GALNT13: variants seen among roughly 807,000 people sequenced by gnomAD.
GALNT13 encodes the protein UDP-GalNAc:polypeptide N-acetylgalactosaminyltransferase 13.
In GALNT13, 28 loss-of-function variants were observed where a neutral mutation model predicts 64.2. The observed-to-expected ratio is 0.44, with a 90% confidence interval of 0.32 to 0.60. The LOEUF (loss-of-function observed/expected upper bound fraction) is 0.60. GALNT13 is among the 20% of genes least tolerant of loss of function. The pLI is 0.05. For missense variants in GALNT13, 577 were observed against 669.8 expected (o/e 0.86, Z 1.53); for synonymous variants, 214 against 224.6 (o/e 0.95, Z 0.42).
At chr2:153,799,123 A>AC in the GALNT13 span, among the ~76,000 whole-genome samples, 3 of 152,092 alleles carry the variant, frequency 2.0e-5, no homozygotes, top group Non-Finnish European at 4.4e-5. Context: ...GGGCATTGTG[A>AC]CCCCCATAAG....
the GALNT13 span, among the ~76,000 whole-genome samples, chr2:153,255,189 C>G: frequency 1.3e-5 from 2 of 148,822 alleles, no homozygotes; most frequent in Non-Finnish European, 3.0e-5. Flanking sequence ...ATAGTTAGCT[C>G]TTCTTGTTGA....
At chr2:153,493,048 A>G in the GALNT13 span, among the ~76,000 whole-genome samples, 4 of 152,162 alleles carry the variant, frequency 2.6e-5, no homozygotes, top group African/African-American at 7.2e-5. Context: ...GTTTAGGAAA[A>G]CACTTAAAGC....
chr2:153,395,106 T>C, the GALNT13 span, among the ~76,000 whole-genome samples: 1 of 152,192 alleles, frequency 6.6e-6, no homozygotes, highest in Non-Finnish European at 1.5e-5. Flanking sequence ...GGAGCTCTCA[T>C]ACTTCTCATT....
the GALNT13 span, among the ~76,000 whole-genome samples, chr2:153,721,277 C>T: frequency 6.8e-6 from 1 of 147,238 alleles, no homozygotes; most frequent in Non-Finnish European, 1.5e-5. Context: ...ATTTTGTCAC[C>T]ACCAGGCCTG....
the GALNT13 span, among the ~76,000 whole-genome samples, chr2:153,846,606 T>G: frequency 6.6e-6 from 1 of 152,108 alleles, no homozygotes; most frequent in Non-Finnish European, 1.5e-5. Context: ...TAAAAGATAA[T>G]CAGAGCTAGC....
chr2:154,260,885 A>G (rs1390237927), intron 8 of GALNT13, among the ~76,000 whole-genome samples: 6 of 152,106 alleles, frequency 3.9e-5, no homozygotes, highest in Admixed American at 3.3e-4. Context: ...CCGCTACTAT[A>G]TAGGATCCTC....
Position 154,440,454 on chromosome 2 carries a change from T to C in GALNT13, c.1530+1728T>C, listed in dbSNP as rs7560594. ...ATACTAAGGAATTTTAAGTAAAAAG[T>C]GAAAAAAAAAATAGGTAGCTTCACA... On this transcript the variant is annotated intron_variant, in intron 12 of 12. Transcript: ENST00000392825. 9.7e-3 allele frequency among the ~76,000 whole-genome samples: 1,443 copies of C among 148,930 alleles called. 21 individuals carry two copies. Among genetic ancestry groups the C allele is most frequent in the South Asian group, 0.04 (189 of 4,744 alleles).
intron 8 of GALNT13, among the ~76,000 whole-genome samples, chr2:154,271,088 A>G (rs1195247005): frequency 6.6e-6 from 1 of 151,950 alleles, no homozygotes. Flanking sequence ...CATGAAAACT[A>G]TGATATAAAC....
the GALNT13 span, among the ~76,000 whole-genome samples, chr2:153,566,239 T>C: frequency 3.3e-5 from 5 of 151,930 alleles, no homozygotes; most frequent in Admixed American, 3.3e-4. Flanking sequence ...TATAGTAAAG[T>C]AAGACTCAGC....
At chr2:154,391,210 G>A (rs1487209165) in intron 9 of GALNT13, among the ~76,000 whole-genome samples, 2 of 152,126 alleles carry the variant, frequency 1.3e-5, no homozygotes, top group African/African-American at 2.4e-5. Context: ...AGGAAATAGA[G>A]TTTCAACTTT....
At chr2:153,949,225 C>T (rs1178831091) in intron 3 of GALNT13, among the ~76,000 whole-genome samples, 3 of 152,092 alleles carry the variant, frequency 2.0e-5, no homozygotes, top group South Asian at 2.1e-4. Context: ...ATGATGACAT[C>T]GCCTAGTGAT....
chr2:153,119,787 G>C, the GALNT13 span, among the ~76,000 whole-genome samples: 4 of 152,288 alleles, frequency 2.6e-5, no homozygotes, highest in Non-Finnish European at 2.9e-5. Context: ...ATTATTCTGA[G>C]ATGTGAGTTT....
At chr2:153,102,929 T>C in the GALNT13 span, among the ~76,000 whole-genome samples, 1 of 152,154 alleles carries the variant, frequency 6.6e-6, no homozygotes, top group Non-Finnish European at 1.5e-5. Context: ...CAACCTCCTT[T>C]ACATAACCAG....
At chr2:153,097,890 A>G in the GALNT13 span, among the ~76,000 whole-genome samples, 1 of 151,738 alleles carries the variant, frequency 6.6e-6, no homozygotes, top group African/African-American at 2.4e-5. Flanking sequence ...ACATGGTGAA[A>G]CCCCCTCTCT....
the GALNT13 span, among the ~76,000 whole-genome samples, chr2:153,839,928 A>G: frequency 6.6e-6 from 1 of 152,172 alleles, no homozygotes; most frequent in African/African-American, 2.4e-5. Flanking sequence ...CTGTTTATAG[A>G]GCCAGCAGAG....
chr2:153,278,437 T>C, the GALNT13 span, among the ~76,000 whole-genome samples: 1 of 152,180 alleles, frequency 6.6e-6, no homozygotes, highest in Non-Finnish European at 1.5e-5. Context: ...CTAAGGCCAA[T>C]GTCCAGAGTG....
In GALNT13 at chr2:154,242,843, T is replaced by C. The variant is rs773263895; in HGVS notation, c.624T>C (p.Asp208=). The C allele has an allele frequency of 1.2e-6, 2 of 1,614,164 alleles. No individual in the cohort carries two copies. Among genetic ancestry groups the C allele is most frequent in the South Asian group, 1.1e-5 (1 of 91,088 alleles). Reference sequence around the variant, plus strand: ...AAGGGCAGGTCATAACTTTTCTTGATGCACACTGTGAATGCACGTTAGGAT... The same window carrying C: ...AAGGGCAGGTCATAACTTTTCTTGACGCACACTGTGAATGCACGTTAGGAT... ...ASKGQVITFL[D]AHCECTLGWL... is the part of the protein sequence containing the mutation. The change falls in exon 6 of 13, where the codon GAT becomes GAC. Residue 208 remains aspartate, a synonymous_variant. Transcript: ENST00000392825.
chr2:153,707,873 A>G, the GALNT13 span, among the ~76,000 whole-genome samples: 1 of 152,204 alleles, frequency 6.6e-6, no homozygotes, highest in African/African-American at 2.4e-5. Context: ...GTGTAGTTCC[A>G]GAAGGCTTCT....
intron 2 of GALNT13, among the ~76,000 whole-genome samples, chr2:153,907,428 G>T (rs1444833930): frequency 2.0e-5 from 3 of 151,572 alleles, no homozygotes; most frequent in African/African-American, 7.3e-5. Context: ...TAGGTTTAGG[G>T]GTACATGAGC....
Sources: gnomAD v4.1 joint callset for allele counts (sites outside exome capture counted in the v4.1 genomes callset) on GRCh38, gnomAD v4.1.1 for gene constraint, MANE v1.5 for transcripts, NCBI Gene and HGNC (gene_info 2026-07-23, HGNC 2026-07-21) for gene names.